The following ARHGAP5 variants were observed in gnomAD, a reference collection of about 807,000 sequenced individuals.
The protein encoded by ARHGAP5 is rho GTPase-activating protein 5.
A neutral mutation model predicts 116.6 loss-of-function variants in ARHGAP5; 23 were observed. The observed-to-expected ratio is 0.20, with a 90% CI of 0.14 to 0.28. The LOEUF is 0.28. Ranked by LOEUF, ARHGAP5 falls within the 10% of genes least tolerant of loss-of-function variation. The pLI, the probability that ARHGAP5 is intolerant of heterozygous loss-of-function variation, is 1.00. For missense variants in ARHGAP5, 1,405 were observed against 1,774.8 expected (o/e 0.79, Z 3.74); for synonymous variants, 574 against 602.0 (o/e 0.95, Z 0.68).
chr14:32,133,211 C>A (rs1880600647), intron 3 of ARHGAP5, among the ~76,000 whole-genome samples: 1 of 152,140 alleles, frequency 6.6e-6, no homozygotes, highest in Non-Finnish European at 1.5e-5. Context: ...ATTCTTCCTA[C>A]CCATGAGCAT....
At chr14:32,119,483 A>G (rs1331197210) in intron 3 of ARHGAP5, among the ~76,000 whole-genome samples, 1 of 152,166 alleles carries the variant, frequency 6.6e-6, no homozygotes, top group Non-Finnish European at 1.5e-5. Context: ...TGTAATTTAC[A>G]TACAATAAAA....
chr14:32,121,351 T>C (rs1879879582), intron 3 of ARHGAP5, among the ~76,000 whole-genome samples: 1 of 152,186 alleles, frequency 6.6e-6, no homozygotes, highest in Admixed American at 6.5e-5. Flanking sequence ...TCTTTACTTA[T>C]GCTTTTATGT....
chr14:32,102,753 A>G (rs867493694), intron 2 of ARHGAP5, among the ~76,000 whole-genome samples: 2 of 152,194 alleles, frequency 1.3e-5, no homozygotes, highest in Admixed American at 6.5e-5. Flanking sequence ...AGTCAGCATA[A>G]ATGTATGGCC....
chr14:32,078,089 G>C (rs1208008418), intron 1 of ARHGAP5: 1 of 141,566 alleles, frequency 7.1e-6, no homozygotes, highest in Non-Finnish European at 1.5e-5. Flanking sequence ...TTGAGGCTTT[G>C]ATACTGAGTT....
At chr14:32,132,172 A>C (rs565589142) in intron 3 of ARHGAP5, among the ~76,000 whole-genome samples, 6 of 152,292 alleles carry the variant, frequency 3.9e-5, no homozygotes, top group East Asian at 1.9e-4. Context: ...TGACTTCCAC[A>C]ATGGTTGAAC....
chr14:32,080,474 T>TA (rs569231899), intron 1 of ARHGAP5, among the ~76,000 whole-genome samples: 40 of 149,726 alleles, frequency 2.7e-4, no homozygotes, highest in South Asian at 1.1e-3. Flanking sequence ...AAATTCCCCT[T>TA]AAAAAAAAAC....
intron 3 of ARHGAP5, among the ~76,000 whole-genome samples, chr14:32,131,194 T>C (rs1181832870): frequency 6.6e-6 from 1 of 152,164 alleles, no homozygotes; most frequent in Non-Finnish European, 1.5e-5. Flanking sequence ...TAGAGCTTTT[T>C]TGTTGTATCA....
rs1299297109 is a variant in ARHGAP5 at position 32,156,750 on chromosome 14, ATTAAACTTTAAGAGTTTT to A, written c.*1803_*1820del. On this transcript the variant is annotated 3_prime_UTR_variant, in exon 7 of 7. Transcript: ENST00000345122. ...ACTATTGGCATGTCTGGCAAAGAAA[ATTAAACTTTAAGAGTTTT>A]ATAAACTGTTTCTAGGTTGCTAAAG... is the stretch of plus-strand genomic sequence containing the variant. 1 of 152,404 alleles carries A rather than the reference ATTAAACTTTAAGAGTTTT, an allele frequency of 6.6e-6. No individual in the cohort carries two copies. The highest frequency in any genetic ancestry group is 1.5e-5 in the Non-Finnish European group (1 of 67,840). 9.4% of individuals were successfully genotyped at this position (152,404 alleles called of 1,614,324 possible).
chr14:32,126,838 T>A (rs919434704), intron 3 of ARHGAP5, among the ~76,000 whole-genome samples: 2 of 152,042 alleles, frequency 1.3e-5, no homozygotes, highest in African/African-American at 4.8e-5. Context: ...AGTTTCAGTT[T>A]TGCAAGATGA....
chr14:32,127,031 T>C (rs143592780), intron 3 of ARHGAP5, among the ~76,000 whole-genome samples: 2,461 of 148,428 alleles, frequency 0.017, 61 homozygotes, highest in African/African-American at 0.057. Context: ...AGAGTCTCAC[T>C]CTGTCACCCA....
intron 5 of ARHGAP5, among the ~76,000 whole-genome samples, chr14:32,150,675 C>G (rs1411372221): frequency 6.6e-6 from 1 of 152,148 alleles, no homozygotes; most frequent in East Asian, 1.9e-4. Flanking sequence ...AGGACAAAAC[C>G]CTCATGATAT....
chr14:32,150,498 C>T (rs1450926461), intron 5 of ARHGAP5, among the ~76,000 whole-genome samples: 1 of 152,136 alleles, frequency 6.6e-6, no homozygotes, highest in Non-Finnish European at 1.5e-5. Context: ...GAGGCCTCAT[C>T]AGGTGAGGGC....
At chr14:32,143,328 C>T (rs1881224808) in intron 3 of ARHGAP5, among the ~76,000 whole-genome samples, 1 of 150,410 alleles carries the variant, frequency 6.6e-6, no homozygotes, top group Non-Finnish European at 1.5e-5. Context: ...CTGCAACCTC[C>T]GCCTCCCAGG....
At chr14:32,114,516 T>A (rs143083279) in intron 2 of ARHGAP5, among the ~76,000 whole-genome samples, 211 of 152,284 alleles carry the variant, frequency 1.4e-3, no homozygotes, top group African/African-American at 4.8e-3. Flanking sequence ...CCACACCACT[T>A]GACTTGCCCT....
In ARHGAP5 at chr14:32,154,768, G is replaced by T; in HGVS notation, c.4329G>T (p.Gln1443His). 1.9e-6 allele frequency: 3 copies of T among 1,614,096 alleles called. No homozygotes were observed. The highest frequency in any genetic ancestry group is 2.5e-6 in the Non-Finnish European group (3 of 1,179,990). ...AATCTGTTGTTGAAACATTCATTCA[G>T]CAGTGTCAGTTTTTCTTTTACAATG... ...IHQSVVETFIQQCQFFFYNGE... is the reference protein window; with the variant it reads ...IHQSVVETFIHQCQFFFYNGE... The change falls in exon 7 of 7, where the codon CAG (glutamine) becomes CAT (histidine). Residue 1443 changes from glutamine to histidine, a missense_variant. Physicochemically the swap from Gln to His is conservative, Grantham distance 24. Transcript: ENST00000345122.
rs1566684319 is a variant in ARHGAP5, at chr14:32,146,345, GA to G, written c.3943+7del. The G allele has an allele frequency of 6.3e-7, 1 of 1,597,250 alleles. No homozygotes were observed. Among genetic ancestry groups the G allele is most frequent in the South Asian group, 1.1e-5 (1 of 90,280 alleles). The stretch of plus-strand genomic sequence containing the variant: ...TTCAAAAGCAGTTTGATCAAGGTAA[GA>G]AGATGATTATGTGAAATAAAAATTG... On this transcript the variant is annotated splice_donor_region_variant and intron_variant, in intron 4 of 6. Coordinates refer to ENST00000345122, the MANE Select transcript of ARHGAP5 (RefSeq NM_001030055.2).
intron 4 of ARHGAP5, 23 bp from the exon 5 acceptor site, chr14:32,149,879 A>G: frequency 7.4e-7 from 1 of 1,356,126 alleles, no homozygotes; most frequent in Non-Finnish European, 9.8e-7. Context: ...ATATAATTTA[A>G]AATGTTAATT....
intron 6 of ARHGAP5, 88 bp from the exon 7 acceptor site, chr14:32,154,533 C>A: frequency 8.9e-7 from 1 of 1,126,290 alleles, no homozygotes; most frequent in Non-Finnish European, 1.3e-6. Context: ...TAAAAGGTAA[C>A]ATTAAATCTG....
chr14:32,137,499 C>T (rs1057198570), intron 3 of ARHGAP5, among the ~76,000 whole-genome samples: 5 of 151,868 alleles, frequency 3.3e-5, no homozygotes, highest in Non-Finnish European at 5.9e-5. Flanking sequence ...AATCAGAAAG[C>T]ATAGAGTTCT....
Sources: allele counts gnomAD v4.1 joint callset (sites outside exome capture counted in the v4.1 genomes callset), GRCh38; gene constraint gnomAD v4.1.1; transcripts MANE v1.5; gene names NCBI Gene and HGNC (gene_info 2026-07-23, HGNC 2026-07-21).